The following ABL2 variants were observed in gnomAD, a reference collection of about 807,000 sequenced individuals.
ABL2 encodes ABL proto-oncogene 2, non-receptor tyrosine kinase.
ABL2 carries 49 observed loss-of-function variants against 107.7 expected under a neutral mutation model. The ratio of observed to expected loss-of-function variants is 0.45; its 90% CI spans 0.36 to 0.58. ABL2 has a LOEUF of 0.58. Among genes scored for constraint, ABL2 ranks in the 20% least tolerant of loss-of-function variants. The pLI, the probability that ABL2 is intolerant of heterozygous loss-of-function variation, is 0.00. For missense variants in ABL2, 1,245 were observed against 1,457.0 expected (o/e 0.85, Z 2.37); for synonymous variants, 549 against 548.6 (o/e 1.00, Z -0.01).
chr1:179,226,310 CTTTT>C (rs745831850), intron 1 of ABL2, among the ~76,000 whole-genome samples: 3 of 131,006 alleles, frequency 2.3e-5, no homozygotes, highest in Non-Finnish European at 4.9e-5. Context: ...ATTATCCCTA[CTTTT>C]TTTTTTTTTT....
At chr1:179,221,828 G>A (rs1662884148) in intron 1 of ABL2, 1 of 235,414 alleles carries the variant, frequency 4.2e-6, no homozygotes, top group Non-Finnish European at 9.2e-6. Flanking sequence ...TACCAGGAGT[G>A]TCCTTTCAAG....
At chr1:179,131,206 A>G in intron 3 of ABL2, 105 bp downstream of exon 3, 1 of 1,285,710 alleles carries the variant, frequency 7.8e-7, no homozygotes, top group Non-Finnish European at 1.1e-6. Context: ...GGCCTCCCAA[A>G]GTGCTGAGAT....
At chr1:179,188,826 T>A (rs1201616365) in intron 1 of ABL2, among the ~76,000 whole-genome samples, 2 of 152,200 alleles carry the variant, frequency 1.3e-5, no homozygotes, top group Non-Finnish European at 2.9e-5. Flanking sequence ...TAATTATTCA[T>A]ACACACCAAA....
chr1:179,170,963 C>T (rs1254154664), intron 1 of ABL2, among the ~76,000 whole-genome samples: 1 of 152,104 alleles, frequency 6.6e-6, no homozygotes, highest in Admixed American at 6.6e-5. Flanking sequence ...AACTCCTGAC[C>T]AAAATGTTGG....
chr1:179,115,047 A>G lies in ABL2; in HGVS notation c.1409-17T>C. 6.4e-7 allele frequency: 1 copy of G among 1,570,990 alleles called. No individual in the cohort carries two copies. The highest frequency in any genetic ancestry group is 1.2e-5 in the South Asian group (1 of 82,250). On this transcript the variant is annotated splice_polypyrimidine_tract_variant and intron_variant, in intron 8 of 11. Coordinates refer to ENST00000502732, the MANE Select transcript of ABL2 (RefSeq NM_007314.4). ...CCCCAAAAGCTGCATAAGGAATTAA[A>G]AAAAGCACTTAGTGTTTCTTCTCCG...
At chr1:179,206,215 C>G (rs367885677) in intron 1 of ABL2, among the ~76,000 whole-genome samples, 3 of 152,194 alleles carry the variant, frequency 2.0e-5, no homozygotes, top group Admixed American at 6.5e-5. Context: ...CATTATTTGA[C>G]AGGCAAATTA....
chr1:179,157,710 T>C (rs1378813903), intron 1 of ABL2, among the ~76,000 whole-genome samples: 1 of 150,842 alleles, frequency 6.6e-6, no homozygotes, highest in African/African-American at 2.4e-5. Flanking sequence ...ACAGAATCTT[T>C]TTTTTTTTTT....
At chr1:179,228,641 A>G (rs1663366555) in intron 1 of ABL2, among the ~76,000 whole-genome samples, 1 of 152,162 alleles carries the variant, frequency 6.6e-6, no homozygotes, top group Non-Finnish European at 1.5e-5. Context: ...TTTCATTTCT[A>G]GTAAAAACGA....
At chr1:179,175,864 T>TTTTGGGGGG (rs1660010511) in intron 1 of ABL2, among the ~76,000 whole-genome samples, 1 of 150,272 alleles carries the variant, frequency 6.7e-6, no homozygotes. Flanking sequence ...TTTTTTTTTT[T>TTTTGGGGGG]GAGGAGGGGT....
rs1340793049 is a variant in ABL2, at chr1:179,107,042, A to AT, written c.*675dup. On this transcript the variant is annotated 3_prime_UTR_variant, in exon 12 of 12. Coordinates refer to ENST00000502732, the MANE Select transcript of ABL2 (RefSeq NM_007314.4). Reference sequence around the variant, plus strand: ...AGTGACTTCTGCTAATCTGTGTAAGATTTTAGAAGGTTTTCAATTTCTGAT... The same window carrying AT: ...AGTGACTTCTGCTAATCTGTGTAAGATTTTTAGAAGGTTTTCAATTTCTGAT... 1 of 229,766 alleles carries AT rather than the reference A, an allele frequency of 4.4e-6. No individual in the cohort carries two copies. Among genetic ancestry groups the AT allele is most frequent in the Non-Finnish European group, 8.6e-6 (1 of 116,010 alleles). 14.2% of individuals were successfully genotyped at this position (229,766 alleles called of 1,614,324 possible).
chr1:179,218,428 G>A (rs776796120), intron 1 of ABL2, among the ~76,000 whole-genome samples: 4 of 151,900 alleles, frequency 2.6e-5, no homozygotes, highest in Admixed American at 6.6e-5. Context: ...AGACAGTCTC[G>A]CTCTGTCACC....
intron 1 of ABL2, among the ~76,000 whole-genome samples, chr1:179,213,459 G>A (rs982811141): frequency 4.6e-5 from 7 of 151,544 alleles, no homozygotes; most frequent in Admixed American, 2.0e-4. Flanking sequence ...ATGAGCCACC[G>A]TGCCCAGCCT....
intron 1 of ABL2, among the ~76,000 whole-genome samples, chr1:179,225,149 A>G (rs1663120421): frequency 6.6e-6 from 1 of 152,202 alleles, no homozygotes; most frequent in East Asian, 1.9e-4. Context: ...AATTACATTC[A>G]CAAAAATCAC....
chr1:179,168,691 ACAGG>A (rs1659535287), intron 1 of ABL2, among the ~76,000 whole-genome samples: 1 of 152,222 alleles, frequency 6.6e-6, no homozygotes, highest in African/African-American at 2.4e-5. Context: ...ACCTGCTTGT[ACAGG>A]ACACAGAGTA....
At chr1:179,118,554 C>T (rs1256576028) in intron 7 of ABL2, 33 bp downstream of exon 7, 1 of 1,590,318 alleles carries the variant, frequency 6.3e-7, no homozygotes. Context: ...AGCAAGATGG[C>T]TTCATGGTTG....
chr1:179,229,431 C>A lies in ABL2; in HGVS notation c.-34G>T. The A allele has an allele frequency of 6.8e-7, 1 of 1,478,114 alleles. No individual in the cohort carries two copies. The highest frequency in any genetic ancestry group is 8.9e-7 in the Non-Finnish European group (1 of 1,125,782). 91.6% of individuals were successfully genotyped at this position (1,478,114 alleles called of 1,614,324 possible). ...TCGCGTACTCCCGCGCCCCCGCCGA[C>A]CCCTGGTCACATTCCTCCTCGGCTC... On this transcript the variant is annotated 5_prime_UTR_variant, in exon 1 of 12. Coordinates refer to ENST00000502732, the MANE Select transcript of ABL2 (RefSeq NM_007314.4).
At chr1:179,223,091 C>CA (rs1662966426) in intron 1 of ABL2, among the ~76,000 whole-genome samples, 2 of 119,078 alleles carry the variant, frequency 1.7e-5, no homozygotes, top group East Asian at 2.5e-4. Context: ...GGCTGGGAGA[C>CA]AGAGCAAGGC....
At chr1:179,136,709 AAAATAAAT>A (rs201779575) in intron 1 of ABL2, among the ~76,000 whole-genome samples, 3,050 of 140,668 alleles carry the variant, frequency 0.022, 101 homozygotes, top group African/African-American at 0.073. Flanking sequence ...TGATCAATAA[AAAATAAAT>A]AAATAAATAA....
intron 1 of ABL2, among the ~76,000 whole-genome samples, chr1:179,173,358 A>ATTTTTTT (rs554479137): frequency 3.8e-5 from 4 of 106,122 alleles, no homozygotes; most frequent in African/African-American, 1.1e-4. Context: ...AAAGGCTGTA[A>ATTTTTTT]TTTTTTTTTT....
Sources: gnomAD v4.1 joint callset for allele counts (sites outside exome capture counted in the v4.1 genomes callset) on GRCh38, gnomAD v4.1.1 for gene constraint, MANE v1.5 for transcripts, NCBI Gene and HGNC (gene_info 2026-07-23, HGNC 2026-07-21) for gene names.